THSD7A: variants seen among roughly 807,000 people sequenced by gnomAD.
The protein encoded by THSD7A is thrombospondin type 1 domain containing 7A.
THSD7A carries 96 observed loss-of-function variants against 231.3 expected under a neutral mutation model. That is an observed-to-expected ratio of 0.41 (90% CI 0.35 to 0.49). THSD7A has a LOEUF of 0.49. Ranked by LOEUF, THSD7A falls within the 20% of genes least tolerant of loss-of-function variation. The pLI is 0.05. For synonymous variants in THSD7A, 940 were observed against 743.3 expected, an observed-to-expected ratio of 1.26 and a Z score of -4.30; for missense variants, 2,290 against 2,070.2, an observed-to-expected ratio of 1.11 and a Z score of -2.06.
chr7:11,802,415 G>C (rs1319400337), intron 1 of THSD7A, among the ~76,000 whole-genome samples: 2 of 152,174 alleles, frequency 1.3e-5, no homozygotes, highest in Non-Finnish European at 2.9e-5. Context: ...TGAAGGCCTT[G>C]AGACTGCAGA....
chr7:11,523,269 T>C (rs1312887534), intron 6 of THSD7A, among the ~76,000 whole-genome samples: 2 of 152,164 alleles, frequency 1.3e-5, no homozygotes, highest in South Asian at 2.1e-4. Flanking sequence ...TTTATAGTAA[T>C]ATGAAGACTT....
chr7:11,633,991 T>C (rs17164942), intron 2 of THSD7A, among the ~76,000 whole-genome samples: 15,356 of 152,134 alleles, frequency 0.1, 2,136 homozygotes, highest in African/African-American at 0.3. Flanking sequence ...TGTGCTTTGG[T>C]GATGTCATTG....
chr7:11,406,879 C>T lies in THSD7A; in HGVS notation c.4062+31G>A, dbSNP rs1001787394. 8 of 1,612,528 alleles carry T rather than the reference C, an allele frequency of 5.0e-6. No homozygotes were observed. The highest frequency in any genetic ancestry group is 2.2e-5 in the East Asian group (1 of 44,858). On this transcript the variant is annotated intron_variant, in intron 21 of 27. Coordinates refer to ENST00000423059, the MANE Select transcript of THSD7A (RefSeq NM_015204.3). This position sits in a 1 kb window ranked among gnomAD's most constrained non-coding sequence, Gnocchi z 4.7. ...ATGAAGTCTCTGCAGATAGAGTACA[C>T]ACTTCCTGACAACTTCTTGAGATTT...
At chr7:11,475,175 C>G (rs1354339204) in intron 7 of THSD7A, among the ~76,000 whole-genome samples, 1 of 152,024 alleles carries the variant, frequency 6.6e-6, no homozygotes, top group African/African-American at 2.4e-5. Context: ...TATAAAGAAG[C>G]TATTAGTGTG....
At position 11,407,433 on chromosome 7, in the gene THSD7A, C is replaced by T. The variant is rs1234192132; in HGVS notation, c.3799-10G>A. ...TCTTCTCCAAGCCAAGCTGGAAGAA[C>T]AGAGGTAGATCAGGATGTATATTGT... On this transcript the variant is annotated splice_polypyrimidine_tract_variant and intron_variant, in intron 19 of 27. Transcript: ENST00000423059. 1.2e-6 allele frequency: 2 copies of T among 1,600,986 alleles called. No homozygotes were observed. The highest frequency in any genetic ancestry group is 1.7e-6 in the Non-Finnish European group (2 of 1,170,300).
intron 2 of THSD7A, among the ~76,000 whole-genome samples, chr7:11,627,512 G>C (rs1015683132): frequency 6.6e-6 from 1 of 151,832 alleles, no homozygotes; most frequent in Non-Finnish European, 1.5e-5. Context: ...ATGAAATCTT[G>C]GACCTGACAT....
At chr7:11,424,050 A>G (rs897567916) in intron 16 of THSD7A, among the ~76,000 whole-genome samples, 81 of 152,278 alleles carry the variant, frequency 5.3e-4, no homozygotes, top group African/African-American at 1.9e-3. Flanking sequence ...ACCCTGTCCA[A>G]TGGAACTTTC....
chr7:11,728,862 G>T (rs564677614), intron 1 of THSD7A, among the ~76,000 whole-genome samples: 1 of 151,864 alleles, frequency 6.6e-6, no homozygotes, highest in South Asian at 2.1e-4. Context: ...TATTAGTAAA[G>T]ACCAATTGCT....
At chr7:11,413,576 T>A (rs914029306) in intron 17 of THSD7A, among the ~76,000 whole-genome samples, 1 of 152,198 alleles carries the variant, frequency 6.6e-6, no homozygotes, top group African/African-American at 2.4e-5. Flanking sequence ...ATTCCTGGGT[T>A]TTCGGGGTGA....
At chr7:11,509,125 A>G (rs1435883332) in intron 6 of THSD7A, among the ~76,000 whole-genome samples, 1 of 152,230 alleles carries the variant, frequency 6.6e-6, no homozygotes, top group African/African-American at 2.4e-5. Context: ...TATACACTTT[A>G]CATATAATTT....
intron 6 of THSD7A, among the ~76,000 whole-genome samples, chr7:11,526,806 T>C (rs1788494438): frequency 6.6e-6 from 1 of 152,166 alleles, no homozygotes; most frequent in South Asian, 2.1e-4. Flanking sequence ...TATGTGGAAC[T>C]ATGAGCCAGT....
chr7:11,455,009 T>C (rs1785260329), intron 11 of THSD7A, among the ~76,000 whole-genome samples: 1 of 152,006 alleles, frequency 6.6e-6, no homozygotes, highest in South Asian at 2.1e-4. Flanking sequence ...GTGATGGTGG[T>C]ATTTGAAGGT....
rs1052411088 is a variant in THSD7A, at chr7:11,401,797, T to C, written c.4409A>G (p.Tyr1470Cys). 2 of 1,612,708 alleles carry C rather than the reference T, an allele frequency of 1.2e-6. No homozygotes were observed. The highest frequency in any genetic ancestry group is 1.7e-6 in the Non-Finnish European group (2 of 1,179,344). The stretch of plus-strand genomic sequence containing the variant: ...AGTATATGAACGGTAGCACTCACCA[T>C]AACATGATTTTGTTTCTAACATCTG... ...PEQMLETKSC[Y>C]DGQCYEYKWM... Residue 1470 changes from tyrosine to cysteine, a missense_variant and splice_region_variant, in exon 23 of 28, where the codon TAT becomes TGT. Transcript: ENST00000423059.
At chr7:11,424,562 C>G (rs1257613956) in intron 16 of THSD7A, 134 bp downstream of exon 16, 4 of 1,240,350 alleles carry the variant, frequency 3.2e-6, no homozygotes, top group Non-Finnish European at 2.3e-6. Context: ...TCTATGAGCA[C>G]AGATTCCCTA....
chr7:11,653,962 TATA>T (rs563965991), intron 1 of THSD7A, among the ~76,000 whole-genome samples: 89 of 151,916 alleles, frequency 5.9e-4, no homozygotes, highest in Non-Finnish European at 1.0e-3. Context: ...TTCACAAATA[TATA>T]ATATTATAGT....
chr7:11,543,379 T>C (rs1234238312), intron 4 of THSD7A, among the ~76,000 whole-genome samples: 1 of 152,210 alleles, frequency 6.6e-6, no homozygotes, highest in African/African-American at 2.4e-5. Context: ...GTCATGCAAT[T>C]AATAATGCTG....
intron 1 of THSD7A, among the ~76,000 whole-genome samples, chr7:11,732,130 G>C (rs534153691): frequency 1.1e-4 from 16 of 151,350 alleles, no homozygotes; most frequent in African/African-American, 3.9e-4. Context: ...TGAAAAAAGA[G>C]ATAATGCTGT....
rs1036974904 is a variant in THSD7A, at chr7:11,585,926, A to AT, written c.1453+4533dup. 1.1e-4 allele frequency among the ~76,000 whole-genome samples: 16 copies of AT among 150,928 alleles called. No homozygotes were observed. The South Asian group carries it at 1.9e-3, about 18-fold the overall frequency. On this transcript the variant is annotated intron_variant, in intron 4 of 27. Transcript: ENST00000423059. Reference sequence around the variant, plus strand: ...CTCCACATTCCTCAGCTGGGAATCAATTTTTTTTTTCGCGTCAATGTTATG... The same window carrying AT: ...CTCCACATTCCTCAGCTGGGAATCAATTTTTTTTTTTCGCGTCAATGTTATG...
chr7:11,511,008 T>A (rs1435507324), intron 6 of THSD7A, among the ~76,000 whole-genome samples: 3 of 152,120 alleles, frequency 2.0e-5, no homozygotes, highest in African/African-American at 7.2e-5. Context: ...TGTTTGCAGA[T>A]GACATGATTG....
Sources: gnomAD v4.1 joint callset for allele counts (sites outside exome capture counted in the v4.1 genomes callset) on GRCh38, gnomAD v4.1.1 for gene constraint, Gnocchi (gnomAD v3.1) non-coding constraint, MANE v1.5 for transcripts, NCBI Gene and HGNC (gene_info 2026-07-23, HGNC 2026-07-21) for gene names.